Variants in CCSER2 observed in about 807,000 individuals in gnomAD.
CCSER2 encodes the protein serine-rich coiled-coil domain-containing protein 2.
A neutral mutation model predicts 92.3 loss-of-function variants in CCSER2; 46 were observed. The ratio of observed to expected loss-of-function variants is 0.50; its 90% CI spans 0.39 to 0.64. The LOEUF is 0.64. Ranked by LOEUF, CCSER2 falls within the 30% of genes least tolerant of loss-of-function variation. The pLI is 0.00. For missense variants in CCSER2, 1,244 were observed against 1,238.9 expected (o/e 1.00, Z -0.06); for synonymous variants, 433 against 431.4 (o/e 1.00, Z -0.04).
intron 3 of CCSER2, among the ~76,000 whole-genome samples, chr10:84,374,554 T>A (rs1281967242): frequency 6.6e-6 from 1 of 152,196 alleles, no homozygotes; most frequent in Non-Finnish European, 1.5e-5. Flanking sequence ...TCATGATCTG[T>A]TGACCAGAAC....
Position 84,414,038 on chromosome 10 carries a change from G to T in CCSER2, c.1615-3733G>T, listed in dbSNP as rs918506552. On this transcript the variant is annotated intron_variant, in intron 3 of 9. Transcript: ENST00000372088. ...TTCCCTTTATTTTGAGCCTATGTGT[G>T]TCTTTGTATGTGAGATGGGTCTTTT... Among the ~76,000 whole-genome samples, 44 of 152,180 alleles carry T rather than the reference G, an allele frequency of 2.9e-4. 1 individual carries two copies. Among genetic ancestry groups the T allele is most frequent in the East Asian group, 1.7e-3 (9 of 5,176 alleles).
chr10:84,333,777 G>A (rs1843695375), intron 1 of CCSER2, among the ~76,000 whole-genome samples: 1 of 152,232 alleles, frequency 6.6e-6, no homozygotes, highest in South Asian at 2.1e-4. Flanking sequence ...AACAGAGTGG[G>A]AAGGCAGTGT....
chr10:84,514,582 G>C lies in CCSER2; in HGVS notation c.*315G>C. On this transcript the variant is annotated 3_prime_UTR_variant, in exon 10 of 10. Transcript: ENST00000372088. ...TCATAATATTTTACTGAGCAGGCAA[G>C]AAGTGTGCTTTGCTGGTTTAGTCCT... 3.2e-6 allele frequency: 1 copy of C among 311,346 alleles called. No homozygotes were observed. The highest frequency in any genetic ancestry group is 5.9e-6 in the Non-Finnish European group (1 of 169,788). The allele number at this position is 311,346 out of a possible 1,614,324, so 19.3% of individuals were successfully genotyped here.
rs1846205948 is a variant in CCSER2 at position 84,374,081 on chromosome 10, A to G, written c.1614+266A>G. 11 of 738,088 alleles carry G rather than the reference A, an allele frequency of 1.5e-5. No individual in the cohort carries two copies. The South Asian group carries it at 2.8e-4, about 18-fold the overall frequency. The allele number at this position is 738,088 out of a possible 1,614,324, so 45.7% of individuals were successfully genotyped here. A position where few individuals can be genotyped will look rare whatever the true frequency, so the allele number is the denominator to read the frequency against. On this transcript the variant is annotated intron_variant, in intron 3 of 9. Coordinates refer to ENST00000372088, the MANE Select transcript of CCSER2 (RefSeq NM_001284240.2). ...GCATACTATATTAGTAGTTTAATCT[A>G]TGCCAGTGGTTCTCAAAGACTGGGG...
chr10:84,454,964 T>A (rs1336386797), intron 6 of CCSER2: 2 of 152,008 alleles, frequency 1.3e-5, no homozygotes, highest in Admixed American at 6.6e-5. Flanking sequence ...GGGGAAAGGG[T>A]TTTTCCCATG....
intron 1 of CCSER2, among the ~76,000 whole-genome samples, chr10:84,357,077 C>T (rs1361659711): frequency 1.3e-5 from 2 of 152,132 alleles, no homozygotes; most frequent in Non-Finnish European, 2.9e-5. Flanking sequence ...AACTTGGCCT[C>T]CAGTGGAGGG....
At chr10:84,497,907 G>A (rs1848534562) in intron 9 of CCSER2, among the ~76,000 whole-genome samples, 1 of 152,074 alleles carries the variant, frequency 6.6e-6, no homozygotes, top group African/African-American at 2.4e-5. Flanking sequence ...TAAATTATAG[G>A]AACTAAAAGT....
At chr10:84,511,842 G>A (rs1302800548) in intron 9 of CCSER2, among the ~76,000 whole-genome samples, 4 of 152,096 alleles carry the variant, frequency 2.6e-5, no homozygotes, top group Non-Finnish European at 4.4e-5. Flanking sequence ...TCCGTTTTGC[G>A]GGACAGTTCA....
chr10:84,361,956 A>G (rs1336201840), intron 1 of CCSER2, among the ~76,000 whole-genome samples: 4 of 152,124 alleles, frequency 2.6e-5, no homozygotes, highest in East Asian at 1.9e-4. Flanking sequence ...ACATTTTTCT[A>G]TGAAACTATA....
intron 5 of CCSER2, among the ~76,000 whole-genome samples, chr10:84,427,440 A>G (rs1017177322): frequency 3.9e-5 from 6 of 152,214 alleles, no homozygotes; most frequent in African/African-American, 1.4e-4. Flanking sequence ...AATATTAGAA[A>G]GGTTTGGGTA....
intron 9 of CCSER2, among the ~76,000 whole-genome samples, chr10:84,503,613 C>T (rs978814735): frequency 1.3e-5 from 2 of 152,176 alleles, no homozygotes; most frequent in African/African-American, 4.8e-5. Context: ...AGAGCATGTA[C>T]TTACAGGAAT....
Position 84,356,320 on chromosome 10 carries a change from C to T in CCSER2, c.-39-14694C>T, listed in dbSNP as rs549662518. ...CAAGCAGATTCTCAGTGTCGGTACTCGGGATTGGTTAAATGCTGTTAACTA... is the reference window on the plus strand; with the variant it reads ...CAAGCAGATTCTCAGTGTCGGTACTTGGGATTGGTTAAATGCTGTTAACTA... On this transcript the variant is annotated intron_variant, in intron 1 of 9. Coordinates refer to ENST00000372088, the MANE Select transcript of CCSER2 (RefSeq NM_001284240.2). Among the ~76,000 whole-genome samples, 18 of 152,088 alleles carry T rather than the reference C, an allele frequency of 1.2e-4. No homozygotes were observed. In the South Asian group the frequency reaches 3.3e-3, roughly 28 times the overall value.
intron 5 of CCSER2, among the ~76,000 whole-genome samples, chr10:84,428,851 T>C (rs956436224): frequency 6.6e-6 from 1 of 152,082 alleles, no homozygotes; most frequent in Non-Finnish European, 1.5e-5. Flanking sequence ...TCTGTGTCTA[T>C]GGAGATAATC....
chr10:84,449,986 A>T (rs1194858727), intron 6 of CCSER2, among the ~76,000 whole-genome samples: 1 of 152,276 alleles, frequency 6.6e-6, no homozygotes, highest in Non-Finnish European at 1.5e-5. Context: ...GCATAACCTG[A>T]TACATGTAAT....
chr10:84,432,025 A>G (rs1178657317), intron 5 of CCSER2, among the ~76,000 whole-genome samples: 1 of 152,176 alleles, frequency 6.6e-6, no homozygotes, highest in Non-Finnish European at 1.5e-5. Context: ...TCCACCAGCA[A>G]TGAATGAGAA....
intron 3 of CCSER2, among the ~76,000 whole-genome samples, chr10:84,399,715 G>T (rs1347814832): frequency 6.6e-6 from 1 of 150,930 alleles, no homozygotes; most frequent in Non-Finnish European, 1.5e-5. Context: ...CTAATAATTG[G>T]CTGTTATATC....
intron 6 of CCSER2, among the ~76,000 whole-genome samples, chr10:84,459,549 A>G (rs1410820915): frequency 2.0e-5 from 3 of 151,602 alleles, no homozygotes; most frequent in Non-Finnish European, 4.4e-5. Flanking sequence ...CAGAGACAGG[A>G]TCTCCTTCTG....
rs373410284 is a variant in CCSER2, at chr10:84,417,727, T to G, written c.1615-44T>G. The G allele has an allele frequency of 6.5e-6, 6 of 918,128 alleles. No homozygotes were observed. In the African/African-American group the frequency reaches 8.1e-5, roughly 12 times the overall value. 56.9% of individuals were successfully genotyped at this position (918,128 alleles called of 1,614,324 possible). A position where few individuals can be genotyped will look rare whatever the true frequency, so the allele number is the denominator to read the frequency against. ...TTAAAAAATAATGGTTGACATATCC[T>G]TAGAGCTAGATTATGGTATATTTTT... On this transcript the variant is annotated intron_variant, in intron 3 of 9. Coordinates refer to ENST00000372088, the MANE Select transcript of CCSER2 (RefSeq NM_001284240.2).
chr10:84,391,543 A>G (rs1337860937), intron 3 of CCSER2: 64 of 1,492,672 alleles, frequency 4.3e-5, no homozygotes, highest in Non-Finnish European at 5.2e-5. Flanking sequence ...AATTCATTTC[A>G]GTCTGCAACA....
Sources: allele counts gnomAD v4.1 joint callset (sites outside exome capture counted in the v4.1 genomes callset), GRCh38; gene constraint gnomAD v4.1.1; transcripts MANE v1.5; gene names NCBI Gene and HGNC (gene_info 2026-07-23, HGNC 2026-07-21).